The following ATP8A2 variants were observed in gnomAD, a reference collection of about 807,000 sequenced individuals.
ATP8A2 encodes ATPase phospholipid transporting 8A2, also known as phospholipid-transporting ATPase IB.
ATP8A2 carries 100 observed loss-of-function variants against 165.6 expected under a neutral mutation model. The observed-to-expected ratio is 0.60, with a 90% CI of 0.51 to 0.71. The LOEUF (loss-of-function observed/expected upper bound fraction) is 0.71. Among genes scored for constraint, ATP8A2 ranks in the 30% least tolerant of loss-of-function variants. ATP8A2 has a pLI of 0.00. For missense variants in ATP8A2, 1,227 were observed against 1,479.5 expected (o/e 0.83, Z 2.80); for synonymous variants, 543 against 548.8 (o/e 0.99, Z 0.15).
chr13:25,411,028 G>A (rs572363122), intron 1 of ATP8A2, among the ~76,000 whole-genome samples: 83 of 152,248 alleles, frequency 5.5e-4, no homozygotes, highest in African/African-American at 1.6e-3. Context: ...GGAGTTCTGG[G>A]CTCTTAATCT....
chr13:25,398,006 T>A (rs2033488607), intron 1 of ATP8A2, among the ~76,000 whole-genome samples: 1 of 152,172 alleles, frequency 6.6e-6, no homozygotes, highest in African/African-American at 2.4e-5. Flanking sequence ...AGATGAAGCC[T>A]CCAGGTAGCA....
chr13:25,450,553 A>G (rs2035187017), intron 1 of ATP8A2, among the ~76,000 whole-genome samples: 1 of 151,450 alleles, frequency 6.6e-6, no homozygotes, highest in African/African-American at 2.4e-5. Context: ...TGTGTGTGAG[A>G]CGGAGTCTCG....
chr13:25,823,052 G>T (rs887375741), intron 27 of ATP8A2, among the ~76,000 whole-genome samples: 11 of 152,200 alleles, frequency 7.2e-5, no homozygotes, highest in Admixed American at 2.6e-4. Context: ...AAATAATAAA[G>T]CTGGGTCCGT....
At chr13:25,786,363 C>T (rs538707732) in intron 27 of ATP8A2, among the ~76,000 whole-genome samples, 11 of 152,280 alleles carry the variant, frequency 7.2e-5, no homozygotes, top group African/African-American at 1.2e-4. Flanking sequence ...GTTATATACA[C>T]GCCTTCTTGC....
At chr13:25,676,040 G>A (rs774053249) in intron 24 of ATP8A2, among the ~76,000 whole-genome samples, 8 of 152,078 alleles carry the variant, frequency 5.3e-5, no homozygotes, top group South Asian at 2.1e-4. Context: ...ACCCATAAGC[G>A]TGTAAAATAT....
intron 24 of ATP8A2, among the ~76,000 whole-genome samples, chr13:25,612,230 G>A (rs66858513): frequency 0.12 from 18,332 of 151,970 alleles, 1,417 homozygotes; most frequent in Non-Finnish European, 0.18. Context: ...AGCTTAGATG[G>A]TCTATTTGTG....
intron 27 of ATP8A2, among the ~76,000 whole-genome samples, chr13:25,778,790 C>A (rs1281710957): frequency 6.6e-6 from 1 of 152,186 alleles, no homozygotes; most frequent in African/African-American, 2.4e-5. Context: ...TCACCAGCCT[C>A]CTCTGCCACT....
intron 33 of ATP8A2, among the ~76,000 whole-genome samples, chr13:25,897,344 A>T (rs1267278200): frequency 6.6e-6 from 1 of 152,186 alleles, no homozygotes; most frequent in African/African-American, 2.4e-5. Context: ...TTTCTTTAAG[A>T]ATGTTGAATA....
chr13:25,531,726 A>C (rs1305135775), intron 4 of ATP8A2, among the ~76,000 whole-genome samples: 3 of 152,116 alleles, frequency 2.0e-5, no homozygotes, highest in Non-Finnish European at 4.4e-5. Flanking sequence ...GGCTGCACAA[A>C]ATTATTATAA....
At chr13:25,767,419 A>G (rs998092871) in intron 25 of ATP8A2, among the ~76,000 whole-genome samples, 1 of 152,250 alleles carries the variant, frequency 6.6e-6, no homozygotes, top group African/African-American at 2.4e-5. Flanking sequence ...CTTGGAGGCT[A>G]TCTTTTAAGT....
At chr13:25,391,663 C>T (rs1044741326) in intron 1 of ATP8A2, among the ~76,000 whole-genome samples, 2 of 152,130 alleles carry the variant, frequency 1.3e-5, no homozygotes, top group Admixed American at 1.3e-4. Flanking sequence ...TCAACAAGTA[C>T]AAAAAATAGC....
Position 25,806,707 on chromosome 13 carries a change from T to G in ATP8A2, c.2680-21411T>G, listed in dbSNP as rs149789306. ...CTTCAATACCTAGAAGTGGAATTGG[T>G]GAGTCATAATGATAACGCTATCTTT... On this transcript the variant is annotated intron_variant, in intron 27 of 36. Transcript: ENST00000381655. Among the ~76,000 whole-genome samples, 9 of 152,222 alleles carry G rather than the reference T, an allele frequency of 5.9e-5. No homozygotes were observed. In the East Asian group the frequency reaches 1.7e-3, roughly 29 times the overall value.
chr13:25,906,217 T>G (rs1230730657), intron 33 of ATP8A2, among the ~76,000 whole-genome samples: 1 of 151,994 alleles, frequency 6.6e-6, no homozygotes, highest in Non-Finnish European at 1.5e-5. Context: ...TTGCCCTTCA[T>G]GGCCAGCCAG....
At position 25,860,825 on chromosome 13, in the gene ATP8A2, C is replaced by T; in HGVS notation, c.3040C>T (p.Leu1014=). ...ACAGTATGTTGTTGTTACTGTTTGT[C>T]TGAAAGCTGGTTTGGAGACCACAGC... The part of the protein sequence containing the change: ...VYTYVVVTVC[L]KAGLETTAWT... The change falls in exon 32 of 37, where the codon CTG becomes TTG. Residue 1014 remains leucine, a synonymous_variant. Coordinates refer to ENST00000381655, the MANE Select transcript of ATP8A2 (RefSeq NM_016529.6). 6.3e-7 allele frequency: 1 copy of T among 1,598,044 alleles called. No individual in the cohort carries two copies. Among genetic ancestry groups the T allele is most frequent in the Admixed American group, 1.7e-5 (1 of 58,666 alleles).
chr13:25,431,498 G>A (rs999564423), intron 1 of ATP8A2, among the ~76,000 whole-genome samples: 1 of 143,132 alleles, frequency 7.0e-6, no homozygotes, highest in African/African-American at 2.5e-5. Flanking sequence ...TTTTACTTCG[G>A]CGGCGGGGGG....
chr13:25,797,038 C>T (rs936866910), intron 27 of ATP8A2, among the ~76,000 whole-genome samples: 7 of 152,036 alleles, frequency 4.6e-5, no homozygotes, highest in East Asian at 1.9e-4. Context: ...GAGGCTGAGG[C>T]GGGCAGATCA....
intron 8 of ATP8A2, among the ~76,000 whole-genome samples, chr13:25,540,828 T>A (rs1055803898): frequency 2.0e-5 from 3 of 152,096 alleles, no homozygotes; most frequent in Non-Finnish European, 2.9e-5. Context: ...TCTTACCATA[T>A]ATTTTAATTC....
intron 1 of ATP8A2, among the ~76,000 whole-genome samples, chr13:25,468,016 G>T (rs2035718672): frequency 6.6e-6 from 1 of 152,200 alleles, no homozygotes; most frequent in Non-Finnish European, 1.5e-5. Context: ...TCCTCTGAAG[G>T]TCACTGCTCA....
At chr13:25,993,544 TAG>T (rs544426974) in intron 35 of ATP8A2, among the ~76,000 whole-genome samples, 112 of 152,354 alleles carry the variant, frequency 7.4e-4, no homozygotes, top group African/African-American at 2.7e-3. Context: ...GTATGAGATT[TAG>T]ATCAAAGTTC....
Sources: allele counts gnomAD v4.1 joint callset (sites outside exome capture counted in the v4.1 genomes callset), GRCh38; gene constraint gnomAD v4.1.1; transcripts MANE v1.5; gene names NCBI Gene and HGNC (gene_info 2026-07-23, HGNC 2026-07-21).